Variants in RIMS1 observed in about 807,000 individuals in gnomAD.
RIMS1 encodes regulating synaptic membrane exocytosis protein 1.
In RIMS1, 83 loss-of-function variants were observed where a neutral mutation model predicts 214.1. The ratio of observed to expected loss-of-function variants is 0.39; its 90% CI spans 0.32 to 0.47. The LOEUF is 0.47. RIMS1 is among the 20% of genes least tolerant of loss of function. The pLI is 0.99. For missense variants in RIMS1, 2,050 were observed against 2,161.8 expected (o/e 0.95, Z 1.03); for synonymous variants, 793 against 786.8 (o/e 1.01, Z -0.13).
At chr6:72,391,799 T>C (rs2098707293) in intron 30 of RIMS1, among the ~76,000 whole-genome samples, 1 of 152,184 alleles carries the variant, frequency 6.6e-6, no homozygotes, top group South Asian at 2.1e-4. Context: ...AAAATACCCA[T>C]ATTTGATGAA....
At chr6:72,011,791 T>C (rs541623704) in intron 2 of RIMS1, among the ~76,000 whole-genome samples, 6 of 152,278 alleles carry the variant, frequency 3.9e-5, no homozygotes, top group East Asian at 3.9e-4. Context: ...TACCATCTCT[T>C]ACCAGTTAGA....
rs1305981369 is a variant in RIMS1 at position 71,887,110 on chromosome 6, C to T, written c.87C>T (p.Thr29=). ...MQELPDLSHL[T]EEERNIIMAV... The stretch of plus-strand genomic sequence containing the variant: ...AGCTGCCCGACCTGAGCCACCTGAC[C>T]GAAGAGGAGAGGAACATTATCATGG... Residue 29 remains threonine (T), a synonymous_variant, in exon 1 of 34, where the codon ACC becomes ACT. Transcript: ENST00000521978. 1.2e-6 allele frequency: 2 copies of T among 1,613,408 alleles called. No homozygotes were observed. The highest frequency in any genetic ancestry group is 1.7e-6 in the Non-Finnish European group (2 of 1,179,718).
intron 2 of RIMS1, among the ~76,000 whole-genome samples, chr6:72,081,203 G>C (rs1041696610): frequency 6.6e-6 from 1 of 152,138 alleles, no homozygotes; most frequent in African/African-American, 2.4e-5. Flanking sequence ...TATCAGAGGG[G>C]ATTACTCAAA....
At position 72,313,494 on chromosome 6, in the gene RIMS1, T is replaced by C; in HGVS notation, c.3964-12T>C. ...ATGATGGAGCTCACACTTTCTTGTT[T>C]TTAATCTTTAGTATAACATACATAA... is the stretch of plus-strand genomic sequence containing the variant. On this transcript the variant is annotated splice_polypyrimidine_tract_variant and intron_variant, in intron 27 of 33. Transcript: ENST00000521978. 1 of 1,610,554 alleles carries C rather than the reference T, an allele frequency of 6.2e-7. No homozygotes were observed. Among genetic ancestry groups the C allele is most frequent in the Admixed American group, 1.7e-5 (1 of 59,624 alleles).
At chr6:72,349,310 T>C (rs1287113500) in intron 29 of RIMS1, among the ~76,000 whole-genome samples, 1 of 151,970 alleles carries the variant, frequency 6.6e-6, no homozygotes, top group Non-Finnish European at 1.5e-5. Flanking sequence ...ACCATACTTA[T>C]TTTTCTCTTA....
At chr6:72,328,712 C>T (rs1001768026) in intron 28 of RIMS1, among the ~76,000 whole-genome samples, 7 of 151,598 alleles carry the variant, frequency 4.6e-5, no homozygotes, top group African/African-American at 1.2e-4. Context: ...TTAAAATTAA[C>T]GTAGTAATCT....
In RIMS1 at chr6:72,162,488, G is replaced by A. The variant is rs2045589148; in HGVS notation, c.472-17087G>A. ...ATGCAGTTTCTTCCTAGCCTTGATG[G>A]TCTTTACAATTTGGTATGTTTTCGC... On this transcript the variant is annotated intron_variant, in intron 4 of 33. Coordinates refer to ENST00000521978, the MANE Select transcript of RIMS1 (RefSeq NM_014989.7). 1.4e-5 allele frequency among the ~76,000 whole-genome samples: 2 copies of A among 140,762 alleles called. 1 individual carries two copies. The highest frequency in any genetic ancestry group is 3.2e-5 in the Non-Finnish European group (2 of 61,952). The allele number at this position is 140,762 out of a possible 152,430, so 92.3% of individuals were successfully genotyped here.
At chr6:72,141,384 A>G (rs957943519) in intron 4 of RIMS1, among the ~76,000 whole-genome samples, 10 of 151,994 alleles carry the variant, frequency 6.6e-5, no homozygotes, top group African/African-American at 2.4e-4. Flanking sequence ...CCTCAAAAAA[A>G]GTTTAAATGT....
intron 2 of RIMS1, among the ~76,000 whole-genome samples, chr6:72,057,422 A>G (rs1003849427): frequency 6.6e-6 from 1 of 151,356 alleles, no homozygotes; most frequent in African/African-American, 2.4e-5. Context: ...ACATGACTGT[A>G]TGGGGATAAC....
At chr6:72,148,139 C>G (rs2042995619) in intron 4 of RIMS1, among the ~76,000 whole-genome samples, 1 of 152,088 alleles carries the variant, frequency 6.6e-6, no homozygotes, top group East Asian at 1.9e-4. Context: ...AAGCTTTTTC[C>G]AGTTTGGGGG....
intron 2 of RIMS1, among the ~76,000 whole-genome samples, chr6:71,986,767 G>T (rs1346035535): frequency 6.6e-6 from 1 of 152,258 alleles, no homozygotes; most frequent in African/African-American, 2.4e-5. Flanking sequence ...CACCAGTCCA[G>T]TGTGGGCATT....
intron 29 of RIMS1, among the ~76,000 whole-genome samples, chr6:72,342,046 T>C (rs2097111232): frequency 6.6e-6 from 1 of 151,840 alleles, no homozygotes; most frequent in African/African-American, 2.4e-5. Context: ...TCTGTACCTT[T>C]CCAATATTTT....
At chr6:71,892,961 C>T (rs141355700) in intron 1 of RIMS1, among the ~76,000 whole-genome samples, 1 of 152,252 alleles carries the variant, frequency 6.6e-6, no homozygotes, top group African/African-American at 2.4e-5. Flanking sequence ...ATAATCCATC[C>T]AAGCATCAGA....
chr6:72,084,754 A>T (rs979348405), intron 2 of RIMS1, among the ~76,000 whole-genome samples: 2 of 152,110 alleles, frequency 1.3e-5, no homozygotes, highest in African/African-American at 4.8e-5. Context: ...AGACTATAAA[A>T]CACTAATAGC....
chr6:72,141,725 C>A (rs2042100016), intron 4 of RIMS1, among the ~76,000 whole-genome samples: 1 of 151,830 alleles, frequency 6.6e-6, no homozygotes. Flanking sequence ...AGTGTTTAAG[C>A]ATAGTGAAAA....
At chr6:72,083,157 A>T (rs1248661610) in intron 2 of RIMS1, among the ~76,000 whole-genome samples, 2 of 152,214 alleles carry the variant, frequency 1.3e-5, no homozygotes, top group Admixed American at 1.3e-4. Flanking sequence ...GATATTAAAC[A>T]TGAAAAGGAA....
At chr6:72,004,440 G>A (rs1181369675) in intron 2 of RIMS1, among the ~76,000 whole-genome samples, 68 of 152,010 alleles carry the variant, frequency 4.5e-4, no homozygotes, top group African/African-American at 1.5e-3. Context: ...CTGAGGAATC[G>A]CCACACTGAC....
chr6:72,015,729 AT>A (rs1465769610), intron 2 of RIMS1, among the ~76,000 whole-genome samples: 1 of 152,140 alleles, frequency 6.6e-6, no homozygotes, highest in African/African-American at 2.4e-5. Context: ...GATCGAGACC[AT>A]CCTGGCTAAC....
At chr6:71,902,751 C>G (rs994673028) in intron 1 of RIMS1, among the ~76,000 whole-genome samples, 2 of 152,048 alleles carry the variant, frequency 1.3e-5, no homozygotes, top group African/African-American at 4.8e-5. Flanking sequence ...TTGTTCAGCT[C>G]CCACTTATAA....
Sources: allele counts gnomAD v4.1 joint callset (sites outside exome capture counted in the v4.1 genomes callset), GRCh38; gene constraint gnomAD v4.1.1; transcripts MANE v1.5; gene names NCBI Gene and HGNC (gene_info 2026-07-23, HGNC 2026-07-21).